CDH19: variants seen among roughly 807,000 people sequenced by gnomAD.
CDH19 encodes the protein cadherin-19.
A neutral mutation model predicts 64.2 loss-of-function variants in CDH19; 67 were observed. The observed-to-expected ratio is 1.04, with a 90% CI of 0.86 to 1.28. CDH19 has a LOEUF of 1.28. Ranked by LOEUF, CDH19 falls within the 50% of genes most tolerant of loss-of-function variation. CDH19 has a pLI of 0.00. For missense variants in CDH19, 1,030 were observed against 929.0 expected (o/e 1.11, Z -1.41); for synonymous variants, 346 against 319.3 (o/e 1.08, Z -0.89).
chr18:66,546,924 G>C (rs915480578), intron 5 of CDH19, among the ~76,000 whole-genome samples: 4 of 152,072 alleles, frequency 2.6e-5, no homozygotes, highest in Non-Finnish European at 5.9e-5. Context: ...TAATGAGACA[G>C]GACTGGACAA....
Position 66,512,595 on chromosome 18 carries a change from TAC to T in CDH19, c.1459-912_1459-911del, listed in dbSNP as rs1209128360. On this transcript the variant is annotated intron_variant, in intron 9 of 11. Coordinates refer to ENST00000262150, the MANE Select transcript of CDH19 (RefSeq NM_021153.4). ...GGCATAAAGAACATTAGGAAACCAA[TAC>T]GATCTGTATATTACTTCTCCACATT... Among the ~76,000 whole-genome samples the T allele has an allele frequency of 4.6e-5, 7 of 151,510 alleles. No homozygotes were observed. In the South Asian group the frequency reaches 1.5e-3, roughly 31 times the overall value.
rs72952501 is a variant in CDH19 at position 66,515,224 on chromosome 18, G to A, written c.1459-3539C>T. On this transcript the variant is annotated intron_variant, in intron 9 of 11. Coordinates refer to ENST00000262150, the MANE Select transcript of CDH19 (RefSeq NM_021153.4). ...CTGAGTTGCTTATTTAGTTATTCTA[G>A]GTAGGTATACCTTGTATTAGGCTAA... Among the ~76,000 whole-genome samples the A allele has an allele frequency of 3.1e-3, 464 of 151,676 alleles. 3 individuals carry two copies. The highest frequency in any genetic ancestry group is 4.8e-3 in the Non-Finnish European group (322 of 67,648).
chr18:66,567,194 T>C (rs777988525), intron 3 of CDH19, among the ~76,000 whole-genome samples: 1 of 151,892 alleles, frequency 6.6e-6, no homozygotes, highest in African/African-American at 2.4e-5. Context: ...CAATTTTATC[T>C]ATAGTTTCAA....
intron 5 of CDH19, among the ~76,000 whole-genome samples, chr18:66,547,038 C>T (rs191653383): frequency 1.3e-5 from 2 of 152,102 alleles, no homozygotes; most frequent in Admixed American, 6.5e-5. Context: ...TATGATCAGA[C>T]GTGCATTTTA....
chr18:66,545,579 C>A (rs1002762649), intron 5 of CDH19, among the ~76,000 whole-genome samples: 2 of 152,058 alleles, frequency 1.3e-5, no homozygotes, highest in African/African-American at 4.8e-5. Context: ...CATGTCTCCT[C>A]AATATTCATG....
intron 3 of CDH19, among the ~76,000 whole-genome samples, chr18:66,558,770 C>T (rs1987614146): frequency 6.6e-6 from 1 of 152,024 alleles, no homozygotes; most frequent in Admixed American, 6.6e-5. Flanking sequence ...GTGCCCCTTT[C>T]CTAGTTAAAT....
chr18:66,523,380 G>C (rs1277758867), intron 9 of CDH19, among the ~76,000 whole-genome samples: 1 of 152,140 alleles, frequency 6.6e-6, no homozygotes, highest in Non-Finnish European at 1.5e-5. Flanking sequence ...AGCCAAGCGT[G>C]GGCGGAAAGC....
chr18:66,569,195 A>G (rs994743396), intron 2 of CDH19, among the ~76,000 whole-genome samples: 1 of 151,704 alleles, frequency 6.6e-6, no homozygotes, highest in Non-Finnish European at 1.5e-5. Flanking sequence ...GATAATGATA[A>G]TCTTGACTGT....
At chr18:66,530,118 C>T (rs1280126142) in intron 8 of CDH19, 152 bp from the exon 9 acceptor site, 4 of 380,388 alleles carry the variant, frequency 1.1e-5, no homozygotes, top group African/African-American at 4.2e-5. Context: ...GATTCACCTA[C>T]TTATCAACAA....
At chr18:66,599,585 G>A (rs893494915) in intron 1 of CDH19, among the ~76,000 whole-genome samples, 1 of 151,938 alleles carries the variant, frequency 6.6e-6, no homozygotes, top group Non-Finnish European at 1.5e-5. Flanking sequence ...AAATATTTGA[G>A]GTGATGGATA....
chr18:66,518,453 C>T (rs563815379), intron 9 of CDH19, among the ~76,000 whole-genome samples: 21 of 152,036 alleles, frequency 1.4e-4, no homozygotes, highest in South Asian at 4.2e-4. Context: ...AGGCTGGTCT[C>T]GAACTTCTGA....
At chr18:66,538,414 G>A (rs747737755) in intron 7 of CDH19, among the ~76,000 whole-genome samples, 3 of 151,932 alleles carry the variant, frequency 2.0e-5, no homozygotes, top group African/African-American at 4.8e-5. Context: ...TCATGTGTCC[G>A]CCTTCACATA....
intron 3 of CDH19, among the ~76,000 whole-genome samples, chr18:66,567,560 G>A (rs527242457): frequency 6.6e-6 from 1 of 151,788 alleles, no homozygotes; most frequent in Non-Finnish European, 1.5e-5. Context: ...TACCTGGAAT[G>A]TTAAAAATCA....
At chr18:66,548,227 C>A (rs1987205570) in intron 5 of CDH19, among the ~76,000 whole-genome samples, 1 of 142,824 alleles carries the variant, frequency 7.0e-6, no homozygotes. Flanking sequence ...TTCCAGCTGC[C>A]CCCTCCTCTG....
At chr18:66,584,728 T>C (rs1265849998) in intron 1 of CDH19, among the ~76,000 whole-genome samples, 2 of 152,072 alleles carry the variant, frequency 1.3e-5, no homozygotes, top group Non-Finnish European at 2.9e-5. Flanking sequence ...TGATTTTAAC[T>C]TAACCATCAC....
intron 5 of CDH19, among the ~76,000 whole-genome samples, chr18:66,545,393 TTTCTTTCCTTCCTTCCTTCC>T (rs147892490): frequency 0.093 from 13,848 of 149,554 alleles, 2,048 homozygotes; most frequent in African/African-American, 0.31. Context: ...TTTTCCTTTC[TTTCTTTCCTTCCTTCCTTCC>T]TTCTTTCCTT....
Position 66,502,675 on chromosome 18 carries a change from A to G in CDH19, c.*2137T>C, listed in dbSNP as rs1038367253. 1.1e-4 allele frequency: 16 copies of G among 151,956 alleles called. No homozygotes were observed. The highest frequency in any genetic ancestry group is 1.8e-4 in the Non-Finnish European group (12 of 67,888). 9.4% of individuals were successfully genotyped at this position (151,956 alleles called of 1,614,324 possible). On this transcript the variant is annotated 3_prime_UTR_variant, in exon 12 of 12. Coordinates refer to ENST00000262150, the MANE Select transcript of CDH19 (RefSeq NM_021153.4). ...CAATTTTCATGTCAATGTGATAGAA[A>G]TGTAAATGTTCTCTCGATTTGTGCA... is the stretch of plus-strand genomic sequence containing the variant.
chr18:66,592,978 T>C, intron 1 of CDH19, among the ~76,000 whole-genome samples: 1 of 151,876 alleles, frequency 6.6e-6, no homozygotes, highest in East Asian at 1.9e-4. Context: ...GGAGAAACCT[T>C]CATACTGTTT....
chr18:66,510,689 G>A (rs1203729460), intron 10 of CDH19, among the ~76,000 whole-genome samples: 1 of 150,636 alleles, frequency 6.6e-6, no homozygotes, highest in Non-Finnish European at 1.5e-5. Flanking sequence ...AAGGAGTCTG[G>A]AGATTTGTCA....
Sources: gnomAD v4.1 joint callset for allele counts (sites outside exome capture counted in the v4.1 genomes callset) on GRCh38, gnomAD v4.1.1 for gene constraint, MANE v1.5 for transcripts, NCBI Gene and HGNC (gene_info 2026-07-23, HGNC 2026-07-21) for gene names.